The following CORIN variants were observed in gnomAD, a reference collection of about 807,000 sequenced individuals.
CORIN encodes corin, serine peptidase.
CORIN carries 117 observed loss-of-function variants against 125.3 expected under a neutral mutation model. That is an observed-to-expected ratio of 0.93 (90% confidence interval 0.80 to 1.09). The LOEUF is 1.09. Among genes scored for constraint, CORIN ranks in the 50% least tolerant of loss-of-function variants. The pLI, the probability that CORIN is intolerant of heterozygous loss-of-function variation, is 0.00. For synonymous variants in CORIN, 450 were observed against 466.4 expected (o/e 0.96, Z 0.45); for missense variants, 1,253 against 1,306.7 (o/e 0.96, Z 0.63).
chr4:47,706,833 C>T (rs1452957021), intron 5 of CORIN: 20 of 1,598,254 alleles, frequency 1.3e-5, no homozygotes, highest in Non-Finnish European at 1.4e-5. Flanking sequence ...ATCACCAAAC[C>T]AGTCCACAAG....
chr4:47,619,211 C>G (rs1722204090), intron 19 of CORIN, among the ~76,000 whole-genome samples: 1 of 152,152 alleles, frequency 6.6e-6, no homozygotes, highest in South Asian at 2.1e-4. Context: ...TCTGGTCAAC[C>G]ATCTCATGAT....
At chr4:47,641,136 T>C (rs758884054) in intron 16 of CORIN, among the ~76,000 whole-genome samples, 1 of 152,178 alleles carries the variant, frequency 6.6e-6, no homozygotes, top group Non-Finnish European at 1.5e-5. Flanking sequence ...TGCTATCCCA[T>C]AACTGCATGA....
chr4:47,721,166 CAGAGAGAG>C (rs78663098), intron 5 of CORIN, among the ~76,000 whole-genome samples: 4 of 149,394 alleles, frequency 2.7e-5, no homozygotes, highest in African/African-American at 4.9e-5. Flanking sequence ...CATGTACAGA[CAGAGAGAG>C]AGAGAGAGAG....
intron 5 of CORIN, among the ~76,000 whole-genome samples, chr4:47,725,511 T>C (rs1390860856): frequency 6.6e-6 from 1 of 151,800 alleles, no homozygotes; most frequent in Non-Finnish European, 1.5e-5. Context: ...GCAAAAGCAA[T>C]TTAATAGGAG....
chr4:47,690,369 T>C (rs1725712488), intron 6 of CORIN, among the ~76,000 whole-genome samples: 1 of 152,214 alleles, frequency 6.6e-6, no homozygotes, highest in Non-Finnish European at 1.5e-5. Context: ...CAAAAGGTGG[T>C]AGATAACACT....
chr4:47,729,270 T>C (rs913932147), intron 5 of CORIN, among the ~76,000 whole-genome samples: 1 of 152,172 alleles, frequency 6.6e-6, no homozygotes, highest in African/African-American at 2.4e-5. Flanking sequence ...ACCAGAAAAG[T>C]TGATCATGAA....
chr4:47,618,804 C>T (rs1351803945), intron 19 of CORIN, among the ~76,000 whole-genome samples: 4 of 147,562 alleles, frequency 2.7e-5, no homozygotes, highest in Non-Finnish European at 3.0e-5. Context: ...GGGCACAGAG[C>T]GAGACTCTGT....
At chr4:47,656,730 G>A (rs28860911) in intron 12 of CORIN, among the ~76,000 whole-genome samples, 20,868 of 152,100 alleles carry the variant, frequency 0.14, 1,926 homozygotes, top group East Asian at 0.47. Flanking sequence ...AACATGACAA[G>A]GATACCCACT....
intron 12 of CORIN, among the ~76,000 whole-genome samples, chr4:47,656,684 T>TG (rs1723999981): frequency 6.6e-6 from 1 of 152,218 alleles, no homozygotes; most frequent in South Asian, 2.1e-4. Context: ...TCAAACTAAA[T>TG]GGGGAAAAAC....
intron 2 of CORIN, among the ~76,000 whole-genome samples, chr4:47,806,151 A>ATT (rs563266960): frequency 1.4e-5 from 2 of 147,844 alleles, no homozygotes; most frequent in Non-Finnish European, 3.0e-5. Context: ...TGTTTTTAAG[A>ATT]TTTTTTTTTT....
Position 47,641,930 on chromosome 4 carries a change from T to C in CORIN, c.2188A>G (p.Met730Val). 1 of 1,613,302 alleles carries C rather than the reference T, an allele frequency of 6.2e-7. No individual in the cohort carries two copies. The highest frequency in any genetic ancestry group is 8.5e-7 in the Non-Finnish European group (1 of 1,179,452). The change falls in exon 16 of 22, where the codon ATG becomes GTG. Residue 730 changes from methionine to valine, a missense_variant. Coordinates refer to ENST00000273857, the MANE Select transcript of CORIN (RefSeq NM_006587.4). ...AACTACTGACCTTACCCTAAACCCA[T>C]CTGCTTGCAGGCCAGCTGACTCAAT... is the stretch of plus-strand genomic sequence containing the variant. ...EILSQLACKQMGLGEPSVTKL... is the reference protein window; with the variant it reads ...EILSQLACKQVGLGEPSVTKL...
chr4:47,675,916 G>A (rs1446609366), intron 9 of CORIN, among the ~76,000 whole-genome samples: 1 of 152,068 alleles, frequency 6.6e-6, no homozygotes, highest in Admixed American at 6.5e-5. Context: ...GACCAGTATG[G>A]GGAAGTTTCT....
intron 16 of CORIN, among the ~76,000 whole-genome samples, chr4:47,630,832 G>A (rs1722775874): frequency 6.6e-6 from 1 of 152,154 alleles, no homozygotes; most frequent in Admixed American, 6.5e-5. Flanking sequence ...CTCATCCCCA[G>A]ATTTTCTGAT....
intron 6 of CORIN, among the ~76,000 whole-genome samples, chr4:47,686,147 A>G (rs1447182176): frequency 6.6e-6 from 1 of 151,010 alleles, no homozygotes; most frequent in Non-Finnish European, 1.5e-5. Flanking sequence ...CATGAATCAT[A>G]AATTACTGTT....
intron 3 of CORIN, among the ~76,000 whole-genome samples, chr4:47,777,152 G>C (rs1730337077): frequency 6.6e-6 from 1 of 152,132 alleles, no homozygotes; most frequent in South Asian, 2.1e-4. Context: ...ATAGTCCATA[G>C]AGCCAAAACC....
intron 15 of CORIN, chr4:47,642,889 A>T: frequency 6.8e-7 from 1 of 1,478,062 alleles, no homozygotes; most frequent in South Asian, 1.4e-5. Flanking sequence ...TCTCCCAGCA[A>T]TTATATGATT....
chr4:47,786,904 A>T lies in CORIN; in HGVS notation c.230T>A (p.Phe77Tyr). Residue 77 changes from phenylalanine to tyrosine, a missense_variant, in exon 3 of 22, where the codon TTT becomes TAT. Coordinates refer to ENST00000273857, the MANE Select transcript of CORIN (RefSeq NM_006587.4). The part of the protein sequence containing the change: ...SYVGTLQKVY[F>Y]KSNGSEPLVT... ...CAAAGGTTCACTCCCATTTGATTTA[A>T]AATAGACCTTTTGTAATGTTCCTGA... 1 of 1,612,878 alleles carries T rather than the reference A, an allele frequency of 6.2e-7. No homozygotes were observed. Among genetic ancestry groups the T allele is most frequent in the Non-Finnish European group, 8.5e-7 (1 of 1,178,936 alleles).
intron 5 of CORIN, among the ~76,000 whole-genome samples, chr4:47,729,550 G>C (rs546955830): frequency 6.6e-6 from 1 of 152,238 alleles, no homozygotes; most frequent in African/African-American, 2.4e-5. Flanking sequence ...GACGCAATCA[G>C]GGCCAGATAA....
At chr4:47,826,321 T>C (rs1732744134) in intron 1 of CORIN, among the ~76,000 whole-genome samples, 1 of 152,246 alleles carries the variant, frequency 6.6e-6, no homozygotes, top group Non-Finnish European at 1.5e-5. Context: ...ATATAGTTGT[T>C]TCTTCTTGCT....
Sources: allele counts gnomAD v4.1 joint callset (sites outside exome capture counted in the v4.1 genomes callset), GRCh38; gene constraint gnomAD v4.1.1; transcripts MANE v1.5; gene names NCBI Gene and HGNC (gene_info 2026-07-23, HGNC 2026-07-21).